Variants in PATJ observed in about 807,000 individuals in gnomAD.
PATJ encodes inaD-like protein.
In PATJ, 190 loss-of-function variants were observed where a neutral mutation model predicts 224.9. That is an observed-to-expected ratio of 0.84 (90% CI 0.75 to 0.95). PATJ has a LOEUF of 0.95. PATJ is among the 40% of genes least tolerant of loss of function. PATJ has a pLI of 0.00. For synonymous variants in PATJ, 769 were observed against 820.3 expected, an observed-to-expected ratio of 0.94 and a Z score of 1.07; for missense variants, 2,121 against 2,270.3, an observed-to-expected ratio of 0.93 and a Z score of 1.34.
At chr1:62,153,613 A>T in intron 43 of PATJ, 132 bp downstream of exon 43, 1 of 492,900 alleles carries the variant, frequency 2.0e-6, no homozygotes, top group Non-Finnish European at 3.2e-6. Context: ...TTTGAATCTT[A>T]TAGGAAATTC....
At chr1:61,781,367 A>G (rs1179172297) in intron 7 of PATJ, among the ~76,000 whole-genome samples, 1 of 152,222 alleles carries the variant, frequency 6.6e-6, no homozygotes, top group Non-Finnish European at 1.5e-5. Context: ...CTGATGGCAG[A>G]TAAAATCTCT....
chr1:62,005,458 G>C (rs1289349844), intron 28 of PATJ, among the ~76,000 whole-genome samples: 1 of 142,924 alleles, frequency 7.0e-6, no homozygotes, highest in Non-Finnish European at 1.5e-5. Flanking sequence ...TTCAGTAAAA[G>C]AGTTTATTAA....
At chr1:61,900,228 T>A (rs147215080) in intron 23 of PATJ, among the ~76,000 whole-genome samples, 96 of 152,364 alleles carry the variant, frequency 6.3e-4, no homozygotes, top group Middle Eastern at 3.4e-3. Context: ...AATGGATATC[T>A]CCACCCAAAC....
chr1:61,906,407 G>T (rs948712752), intron 24 of PATJ, among the ~76,000 whole-genome samples: 1 of 152,008 alleles, frequency 6.6e-6, no homozygotes, highest in Non-Finnish European at 1.5e-5. Context: ...GCCCCATCCC[G>T]AGGCTATCCA....
At position 61,987,455 on chromosome 1, in the gene PATJ, T is replaced by C. The variant is rs1420325211; in HGVS notation, c.3671-2713T>C. Among the ~76,000 whole-genome samples, 8 of 152,198 alleles carry C rather than the reference T, an allele frequency of 5.3e-5. No homozygotes were observed. The East Asian group carries it at 1.5e-3, about 29-fold the overall frequency. On this transcript the variant is annotated intron_variant, in intron 27 of 43. Transcript: ENST00000642238. ...TCTGAGAGAGGTGTGTTAAAATTGG[T>C]GTTTCATGTTGTTTTCTTAGCTGCG...
chr1:61,803,921 C>G (rs542437591), intron 12 of PATJ, among the ~76,000 whole-genome samples: 4 of 152,264 alleles, frequency 2.6e-5, no homozygotes, highest in African/African-American at 9.6e-5. Context: ...AAGCATATCT[C>G]TTTTCTCCAG....
chr1:62,159,967 G>A (rs1476118516), intron 43 of PATJ, among the ~76,000 whole-genome samples: 1 of 152,124 alleles, frequency 6.6e-6, no homozygotes, highest in Non-Finnish European at 1.5e-5. Context: ...GATCTCAGGA[G>A]CGTTAGTGCC....
At chr1:62,013,690 A>G (rs1161656862) in intron 28 of PATJ, among the ~76,000 whole-genome samples, 1 of 152,252 alleles carries the variant, frequency 6.6e-6, no homozygotes, top group African/African-American at 2.4e-5. Context: ...AGCTTCTGGA[A>G]GCAGAGGCTG....
intron 28 of PATJ, among the ~76,000 whole-genome samples, chr1:61,998,908 T>C (rs1036757418): frequency 6.6e-5 from 10 of 152,144 alleles, no homozygotes; most frequent in Non-Finnish European, 1.5e-4. Context: ...AGGCCAAAAA[T>C]CCATATTCTT....
rs140534052 is a variant in PATJ at position 61,970,319 on chromosome 1, C to A, written c.3671-19849C>A. On this transcript the variant is annotated intron_variant, in intron 27 of 43. Coordinates refer to ENST00000642238, the MANE Select transcript of PATJ (RefSeq NM_001350145.3). ...CCCACCGACACACGGGCAACCTCTCCCACTATCAATATCCTGCACCTGAGT... is the reference window on the plus strand; with the variant it reads ...CCCACCGACACACGGGCAACCTCTCACACTATCAATATCCTGCACCTGAGT... Among the ~76,000 whole-genome samples, 802 of 151,988 alleles carry A rather than the reference C, an allele frequency of 5.3e-3. 8 individuals carry two copies. The highest frequency in any genetic ancestry group is 0.018 in the African/African-American group (761 of 41,448).
At chr1:61,816,117 C>T (rs577755229) in intron 14 of PATJ, among the ~76,000 whole-genome samples, 5 of 152,196 alleles carry the variant, frequency 3.3e-5, no homozygotes, top group African/African-American at 1.2e-4. Context: ...TATTTCCTGA[C>T]CTGGAGAACA....
chr1:62,017,822 T>C (rs1646871096), intron 28 of PATJ, 34 bp from the exon 29 acceptor site: 1 of 1,062,352 alleles, frequency 9.4e-7, no homozygotes, highest in African/African-American at 1.5e-5. Flanking sequence ...TGTAGACATG[T>C]ATAATTTAGT....
chr1:61,866,629 TA>T (rs61543275), intron 20 of PATJ, among the ~76,000 whole-genome samples: 4,242 of 147,580 alleles, frequency 0.029, 103 homozygotes, highest in African/African-American at 0.07. Context: ...AACGTTAAGT[TA>T]AAAAAAAAAA....
chr1:62,013,837 G>A (rs1389401248), intron 28 of PATJ, among the ~76,000 whole-genome samples: 2 of 151,778 alleles, frequency 1.3e-5, no homozygotes, highest in Non-Finnish European at 2.9e-5. Context: ...GCAGTGGTGC[G>A]ATTTTGGCTC....
At chr1:61,890,108 C>T (rs1319252262) in intron 22 of PATJ, among the ~76,000 whole-genome samples, 2 of 152,158 alleles carry the variant, frequency 1.3e-5, no homozygotes. Context: ...GCTGTTTATA[C>T]CTGTATGACC....
chr1:62,081,739 G>T (rs1473384229), intron 32 of PATJ, among the ~76,000 whole-genome samples: 1 of 151,976 alleles, frequency 6.6e-6, no homozygotes, highest in Non-Finnish European at 1.5e-5. Context: ...GGCTAATTTT[G>T]TATTTTTAGT....
intron 37 of PATJ, chr1:62,117,492 C>A: frequency 5.3e-6 from 5 of 946,186 alleles, no homozygotes; most frequent in African/African-American, 1.7e-5. Context: ...CGCATGTACA[C>A]AGCTGTGTTT....
chr1:61,767,678 C>CTTTTT (rs1163770714), intron 4 of PATJ, among the ~76,000 whole-genome samples: 13 of 134,972 alleles, frequency 9.6e-5, no homozygotes, highest in African/African-American at 1.1e-4. Context: ...CTTTTCTTTT[C>CTTTTT]TTTTTTTTTT....
chr1:61,952,324 G>C (rs1679835198), intron 27 of PATJ: 4 of 696,526 alleles, frequency 5.7e-6, no homozygotes, highest in Non-Finnish European at 1.1e-5. Flanking sequence ...TCTGTGGTGA[G>C]GATTTGAGCT....
Sources: allele counts gnomAD v4.1 joint callset (sites outside exome capture counted in the v4.1 genomes callset), GRCh38; gene constraint gnomAD v4.1.1; transcripts MANE v1.5; gene names NCBI Gene and HGNC (gene_info 2026-07-23, HGNC 2026-07-21).